Variants in HIVEP3 observed in about 807,000 individuals in gnomAD.
The protein encoded by HIVEP3 is transcription factor HIVEP3.
Under a neutral mutation model 152.8 loss-of-function variants are expected in HIVEP3, and 49 were observed. That is an observed-to-expected ratio of 0.32 (90% confidence interval 0.26 to 0.41). HIVEP3 has a LOEUF of 0.41. Ranked by LOEUF, HIVEP3 falls within the 10% of genes least tolerant of loss-of-function variation. HIVEP3 has a pLI of 1.00. For synonymous variants in HIVEP3, 1,269 were observed against 1,289.0 expected, an observed-to-expected ratio of 0.98 and a Z score of 0.33; for missense variants, 2,790 against 3,103.3, an observed-to-expected ratio of 0.90 and a Z score of 2.40.
chr1:42,034,984 C>T (rs1645632884), intron 1 of HIVEP3, among the ~76,000 whole-genome samples: 1 of 152,148 alleles, frequency 6.6e-6, no homozygotes, highest in Non-Finnish European at 1.5e-5. Flanking sequence ...TCCATGCAAC[C>T]AGAGCCTAGA....
rs962997051 is a variant in HIVEP3 at position 41,834,942 on chromosome 1, G to A, written c.-801+83471C>T. ...GGAGAGCAGTGACCAGGAATGATGA[G>A]CTGAGAATGAAGCTGGAGCAGCAGG... On this transcript the variant is annotated intron_variant, in intron 1 of 8. Coordinates refer to ENST00000372583, the MANE Select transcript of HIVEP3 (RefSeq NM_024503.5). Among the ~76,000 whole-genome samples, 64 of 152,140 alleles carry A rather than the reference G, an allele frequency of 4.2e-4. 1 individual carries two copies. Among genetic ancestry groups the A allele is most frequent in the Admixed American group, 2.7e-3 (42 of 15,280 alleles).
intron 1 of HIVEP3, among the ~76,000 whole-genome samples, chr1:41,736,108 C>T (rs918870129): frequency 3.3e-5 from 5 of 152,078 alleles, no homozygotes; most frequent in Admixed American, 6.5e-5. Flanking sequence ...GTCTGGGAGC[C>T]GATGGTTATC....
chr1:41,984,587 A>C (rs1046337788), intron 1 of HIVEP3, among the ~76,000 whole-genome samples: 10 of 152,250 alleles, frequency 6.6e-5, no homozygotes, highest in African/African-American at 2.4e-4. Flanking sequence ...GCAATCACCC[A>C]GAAGCCAGAG....
Position 41,999,024 on chromosome 1 carries a change from A to G in HIVEP3, n.119+36783T>C, listed in dbSNP as rs1570881028. Among the ~76,000 whole-genome samples the G allele has an allele frequency of 2.0e-5, 3 of 149,000 alleles. No individual in the cohort carries two copies. In the South Asian group the frequency reaches 6.5e-4, roughly 32 times the overall value. ...GATTCTCCTGCCTCAGCCTCCCAAGAAGCTGGGACTACAGGTGCATGCCAC... is the reference window on the plus strand; with the variant it reads ...GATTCTCCTGCCTCAGCCTCCCAAGGAGCTGGGACTACAGGTGCATGCCAC... On this transcript the variant is annotated intron_variant and non_coding_transcript_variant, in intron 1 of 3. Transcript: ENST00000489103.
At chr1:41,925,682 T>C (rs1024704448) in intron 1 of HIVEP3, among the ~76,000 whole-genome samples, 3 of 152,224 alleles carry the variant, frequency 2.0e-5, no homozygotes, top group Admixed American at 1.3e-4. Flanking sequence ...CAACTCCTGT[T>C]CTGGCAGATA....
chr1:41,637,510 G>A (rs191697264), intron 2 of HIVEP3, among the ~76,000 whole-genome samples: 97 of 152,258 alleles, frequency 6.4e-4, no homozygotes, highest in African/African-American at 2.3e-3. Context: ...TCCATCTGAG[G>A]CCTACAGAGG....
intron 7 of HIVEP3, among the ~76,000 whole-genome samples, chr1:41,516,181 G>GGCGGCCCCTTCCCAGGGCTCTTGCAGGA (rs11270500): frequency 2.6e-5 from 4 of 151,538 alleles, no homozygotes; most frequent in African/African-American, 9.7e-5. Flanking sequence ...CCCCTGGCTG[G>GGCGGCCCCTTCCCAGGGCTCTTGCAGGA]GCGGCCCCGC....
At chr1:41,869,883 C>T (rs1644048289) in intron 1 of HIVEP3, among the ~76,000 whole-genome samples, 2 of 152,148 alleles carry the variant, frequency 1.3e-5, no homozygotes. Context: ...TTCATCATGA[C>T]ATTGAAATGT....
intron 5 of HIVEP3, among the ~76,000 whole-genome samples, chr1:41,540,478 G>A (rs1380873515): frequency 6.6e-6 from 1 of 152,144 alleles, no homozygotes; most frequent in Non-Finnish European, 1.5e-5. Context: ...GGGCGTGGGG[G>A]AGGATACATG....
Position 41,857,118 on chromosome 1 carries a change from G to T in HIVEP3, c.-801+61295C>A, listed in dbSNP as rs373439269. On this transcript the variant is annotated intron_variant, in intron 1 of 8. Transcript: ENST00000372583. ...CATGCCAAGGAATCTGCTGAGTTCT[G>T]CCCAACTCAGTCCTCCCCTTCCTGA... Among the ~76,000 whole-genome samples, 188 of 152,034 alleles carry T rather than the reference G, an allele frequency of 1.2e-3. 1 individual carries two copies. The highest frequency in any genetic ancestry group is 4.2e-3 in the African/African-American group (175 of 41,474).
At chr1:41,899,418 TA>T (rs1252201091) in intron 1 of HIVEP3, among the ~76,000 whole-genome samples, 2 of 152,190 alleles carry the variant, frequency 1.3e-5, no homozygotes, top group African/African-American at 4.8e-5. Context: ...TTTATTTATT[TA>T]TTTAGAGATG....
intron 1 of HIVEP3, among the ~76,000 whole-genome samples, chr1:41,746,629 G>C (rs774397360): frequency 6.6e-6 from 1 of 152,196 alleles, no homozygotes; most frequent in Admixed American, 6.5e-5. Context: ...TGTAACCTAT[G>C]AGTGGTCTGG....
intron 1 of HIVEP3, among the ~76,000 whole-genome samples, chr1:41,861,390 T>C (rs929628086): frequency 2.0e-5 from 3 of 152,212 alleles, no homozygotes; most frequent in African/African-American, 7.2e-5. Context: ...AGATTCACAA[T>C]GGTAGCTGGC....
intron 1 of HIVEP3, among the ~76,000 whole-genome samples, chr1:41,947,114 C>G (rs1213909610): frequency 6.6e-6 from 1 of 152,198 alleles, no homozygotes; most frequent in Non-Finnish European, 1.5e-5. Flanking sequence ...CATCTCAACT[C>G]ACCTGGATTG....
At chr1:41,872,785 A>T (rs1181764780) in intron 1 of HIVEP3, among the ~76,000 whole-genome samples, 2 of 152,192 alleles carry the variant, frequency 1.3e-5, no homozygotes, top group African/African-American at 4.8e-5. Context: ...CAAGTTGCTT[A>T]TCCATTCCCC....
intron 5 of HIVEP3, among the ~76,000 whole-genome samples, chr1:41,528,981 C>CA: frequency 7.0e-6 from 1 of 143,634 alleles, no homozygotes; most frequent in African/African-American, 2.6e-5. Context: ...CTCACACTCA[C>CA]CTTCACACTT....
chr1:41,626,037 C>T (rs1109255), intron 3 of HIVEP3, among the ~76,000 whole-genome samples: 90,064 of 152,080 alleles, frequency 0.59, 27,509 homozygotes, highest in African/African-American at 0.75. Context: ...TGTCCTCTAG[C>T]TTCTCATTCA....
Position 41,580,722 on chromosome 1 carries a change from T to A in HIVEP3, c.4076A>T (p.Glu1359Val). 6.3e-7 allele frequency: 1 copy of A among 1,593,722 alleles called. No individual in the cohort carries two copies. The highest frequency in any genetic ancestry group is 1.7e-4 in the Middle Eastern group (1 of 5,976). The part of the protein sequence containing the change: ...SSATVALPKF[E>V]EPPSKGTTVC... ...AGTCGTCCCCTTTGATGGGGGTTCC[T>A]CAAACTTGGGAAGTGCCACAGTTGC... The change falls in exon 4 of 9, where the codon GAG becomes GTG. Residue 1359 changes from glutamate to valine, a missense_variant. Glu to Val is a moderately radical substitution (Grantham distance 121, BLOSUM62 -2). Coordinates refer to ENST00000372583, the MANE Select transcript of HIVEP3 (RefSeq NM_024503.5).
At position 41,583,196 on chromosome 1, in the gene HIVEP3, A is replaced by G. The variant is rs565544760; in HGVS notation, c.1602T>C (p.Pro534=). 7 of 1,489,102 alleles carry G rather than the reference A, an allele frequency of 4.7e-6. No homozygotes were observed. The highest frequency in any genetic ancestry group is 4.2e-5 in the African/African-American group (3 of 71,190). The allele number at this position is 1,489,102 out of a possible 1,614,324, so 92.2% of individuals were successfully genotyped here. ...TTGAGTGGCTTCTCAGGAGAGGCAC[A>G]GGGGGGGCGGTACTGGGCGGGTGCT... is the stretch of plus-strand genomic sequence containing the variant. ...SLQHPPSTAP[P]VPLLRSHSMP... The change falls in exon 4 of 9, where the codon CCT becomes CCC. Residue 534 remains proline, a synonymous_variant. Coordinates refer to ENST00000372583, the MANE Select transcript of HIVEP3 (RefSeq NM_024503.5). The surrounding 1 kb of genome is among the most constrained non-coding windows in gnomAD (Gnocchi z 6.9).
Sources: allele counts gnomAD v4.1 joint callset (sites outside exome capture counted in the v4.1 genomes callset), GRCh38; gene constraint gnomAD v4.1.1; non-coding constraint Gnocchi (gnomAD v3.1); transcripts MANE v1.5; gene names NCBI Gene and HGNC (gene_info 2026-07-23, HGNC 2026-07-21).